The following FGB variants were observed in gnomAD, a reference collection of about 807,000 sequenced individuals.
The protein encoded by FGB is beta-fibrinogen.
In FGB, 25 loss-of-function variants were observed where a neutral mutation model predicts 57.9. The ratio of observed to expected loss-of-function variants is 0.43; its 90% CI spans 0.31 to 0.60. The LOEUF is 0.60. Among genes scored for constraint, FGB ranks in the 20% least tolerant of loss-of-function variants. The probability of loss-of-function intolerance (pLI) is 0.08; values close to 1 mark genes in which losing one functional copy is unlikely to be tolerated. For synonymous variants in FGB, 203 were observed against 199.2 expected, an observed-to-expected ratio of 1.02 and a Z score of -0.16; for missense variants, 536 against 598.4, an observed-to-expected ratio of 0.90 and a Z score of 1.09.
In FGB at chr4:154,569,564, C is replaced by T. The variant is rs1730324389; in HGVS notation, c.1009C>T (p.Pro337Ser). Residue 337 changes from proline to serine, a missense_variant, in exon 7 of 8, where the codon CCC becomes TCC. Transcript: ENST00000302068. Reference sequence around the variant, plus strand: ...AATTAGCCAGCTTACCAGGATGGGACCCACAGAACTTTTGATAGAAATGGA... The same window carrying T: ...AATTAGCCAGCTTACCAGGATGGGATCCACAGAACTTTTGATAGAAATGGA... ...DKISQLTRMGPTELLIEMEDW... is the reference protein window; with the variant it reads ...DKISQLTRMGSTELLIEMEDW... 6.2e-7 allele frequency: 1 copy of T among 1,613,702 alleles called. No individual in the cohort carries two copies. The highest frequency in any genetic ancestry group is 1.3e-5 in the African/African-American group (1 of 74,834).
chr4:154,569,473 A>C, intron 6 of FGB, 41 bp from the exon 7 acceptor site: 1 of 1,601,890 alleles, frequency 6.2e-7, no homozygotes, highest in Non-Finnish European at 8.5e-7. Flanking sequence ...AGTTTCCCAA[A>C]ATTTTATTTT....
rs187991912 is a variant in FGB at position 154,567,089 on chromosome 4, G to C, written c.490+417G>C. 4.6e-5 allele frequency among the ~76,000 whole-genome samples: 7 copies of C among 152,302 alleles called. No homozygotes were observed. The East Asian group carries it at 1.3e-3, about 29-fold the overall frequency. On this transcript the variant is annotated intron_variant, in intron 3 of 7. Coordinates refer to ENST00000302068, the MANE Select transcript of FGB (RefSeq NM_005141.5). ...TGAGGTCAGAATGTTGAGTGCTGTT[G>C]ACTTGGTGGTCAGGAAACAGCTAGT...
intron 1 of FGB, among the ~76,000 whole-genome samples, chr4:154,564,690 T>C (rs1209984368): frequency 6.6e-6 from 1 of 152,152 alleles, no homozygotes; most frequent in Non-Finnish European, 1.5e-5. Context: ...AGCTCAGTTG[T>C]TGCTCAGTTG....
intron 3 of FGB, 131 bp from the exon 4 acceptor site, chr4:154,567,462 T>A (rs936623560): frequency 4.2e-5 from 28 of 670,560 alleles, no homozygotes; most frequent in South Asian, 3.9e-4. Flanking sequence ...AATATGACTA[T>A]ATATCATAAC....
At chr4:154,570,257 G>T (rs896448763) in intron 7 of FGB, among the ~76,000 whole-genome samples, 162 bp from the exon 8 acceptor site, 4 of 152,144 alleles carry the variant, frequency 2.6e-5, no homozygotes, top group Non-Finnish European at 5.9e-5. Flanking sequence ...TCTTGCTATA[G>T]GGCACAGGAG....
rs1353921766 is a variant in FGB, at chr4:154,569,558, A to G, written c.1003A>G (p.Met335Val). ...GNDKISQLTRMGPTELLIEME... is the reference protein window; with the variant it reads ...GNDKISQLTRVGPTELLIEME... Reference sequence around the variant, plus strand: ...TGATAAAATTAGCCAGCTTACCAGGATGGGACCCACAGAACTTTTGATAGA... The same window carrying G: ...TGATAAAATTAGCCAGCTTACCAGGGTGGGACCCACAGAACTTTTGATAGA... Residue 335 changes from methionine (M) to valine (V), a missense_variant, in exon 7 of 8, where the codon ATG becomes GTG. Transcript: ENST00000302068. 6.2e-7 allele frequency: 1 copy of G among 1,614,062 alleles called. No individual in the cohort carries two copies. Among genetic ancestry groups the G allele is most frequent in the South Asian group, 1.1e-5 (1 of 91,040 alleles).
At chr4:154,567,984 T>C (rs1730236476) in intron 4 of FGB, 164 bp downstream of exon 4, 2 of 692,280 alleles carry the variant, frequency 2.9e-6, no homozygotes, top group Non-Finnish European at 5.1e-6. Flanking sequence ...TGTTTTGGAC[T>C]GGCCTGGTGC....
Position 154,566,901 on chromosome 4 carries a change from C to A in FGB, c.490+229C>A, listed in dbSNP as rs371955302. Among the ~76,000 whole-genome samples the A allele has an allele frequency of 5.3e-5, 8 of 152,238 alleles. No homozygotes were observed. In the East Asian group the frequency reaches 1.2e-3, roughly 22 times the overall value. The stretch of plus-strand genomic sequence containing the variant: ...TCTATGAAAAATTCTACTATGACTC[C>A]TTATTTTAAGTATACAAGAAACTTG... On this transcript the variant is annotated intron_variant, in intron 3 of 7. Transcript: ENST00000302068.
Position 154,568,425 on chromosome 4 carries a change from T to C in FGB, c.763T>C (p.Tyr255His). The C allele has an allele frequency of 1.2e-6, 2 of 1,609,122 alleles. No homozygotes were observed. The highest frequency in any genetic ancestry group is 2.2e-5 in the East Asian group (1 of 44,852). ...IRKGGETSEM[Y>H]LIQPDSSVKP... ...GAAAGGAGGTGAAACATCTGAAATGTATCTCATTCAACCTGACAGTTCTGT... is the reference window on the plus strand; with the variant it reads ...GAAAGGAGGTGAAACATCTGAAATGCATCTCATTCAACCTGACAGTTCTGT... Residue 255 changes from tyrosine (Y) to histidine (H), a missense_variant, in exon 5 of 8, where the codon TAT (tyrosine) becomes CAT (histidine). Tyr to His is a moderately conservative substitution (Grantham distance 83, BLOSUM62 2). Transcript: ENST00000302068.
At chr4:154,566,381 A>C (rs1204056599) in intron 2 of FGB, 108 bp from the exon 3 acceptor site, 1 of 1,045,488 alleles carries the variant, frequency 9.6e-7, no homozygotes, top group Non-Finnish European at 1.5e-6. Context: ...CCAAATAATA[A>C]ATTTTTATGT....
intron 7 of FGB, 84 bp from the exon 8 acceptor site, chr4:154,570,335 A>T: frequency 1.1e-6 from 1 of 946,688 alleles, no homozygotes; most frequent in South Asian, 1.4e-5. Flanking sequence ...ACACGAGTGT[A>T]GCAGTCTTTT....
chr4:154,569,408 G>T (rs1730315210), intron 6 of FGB, 101 bp downstream of exon 6: 1 of 1,583,196 alleles, frequency 6.3e-7, no homozygotes, highest in African/African-American at 1.4e-5. Context: ...GCAGTTAAGA[G>T]GAGTTTCCTG....
At chr4:154,566,335 T>A (rs1730158270) in intron 2 of FGB, among the ~76,000 whole-genome samples, 154 bp from the exon 3 acceptor site, 1 of 152,210 alleles carries the variant, frequency 6.6e-6, no homozygotes, top group Admixed American at 6.5e-5. Flanking sequence ...TATGAGAGTA[T>A]GATGATGACT....
chr4:154,566,075 GTT>G, intron 2 of FGB, 76 bp downstream of exon 2: 1 of 1,256,252 alleles, frequency 8.0e-7, no homozygotes, highest in South Asian at 1.3e-5. Context: ...GTCTGCTAAT[GTT>G]TCACTGACCC....
chr4:154,564,359 A>C lies in FGB; in HGVS notation c.114+1227A>C, dbSNP rs923342571. Among the ~76,000 whole-genome samples, 11 of 152,218 alleles carry C rather than the reference A, an allele frequency of 7.2e-5. 1 individual carries two copies. The East Asian group carries it at 1.9e-3, about 27-fold the overall frequency. ...CTCTCTAGTGGCACTCTGAAATAAAAAGAAAATAGTTTTCTCTGTTATAAT... is the reference window on the plus strand; with the variant it reads ...CTCTCTAGTGGCACTCTGAAATAAACAGAAAATAGTTTTCTCTGTTATAAT... On this transcript the variant is annotated intron_variant, in intron 1 of 7. Coordinates refer to ENST00000302068, the MANE Select transcript of FGB (RefSeq NM_005141.5).
rs1487230724 is a variant in FGB, at chr4:154,570,848, C to T, written c.*198C>T. On this transcript the variant is annotated 3_prime_UTR_variant, in exon 8 of 8. Coordinates refer to ENST00000302068, the MANE Select transcript of FGB (RefSeq NM_005141.5). Reference sequence around the variant, plus strand: ...TGTTTTCTTCATTTCTCTTGCTCACCAAGAAGTAACAAAAGTATAGTTTTG... The same window carrying T: ...TGTTTTCTTCATTTCTCTTGCTCACTAAGAAGTAACAAAAGTATAGTTTTG... The T allele has an allele frequency of 6.6e-6, 4 of 610,094 alleles. No homozygotes were observed. Among genetic ancestry groups the T allele is most frequent in the Non-Finnish European group, 8.8e-6 (3 of 338,996 alleles). 37.8% of individuals were successfully genotyped at this position (610,094 alleles called of 1,614,324 possible). A position where few individuals can be genotyped will look rare whatever the true frequency, so the allele number is the denominator to read the frequency against.
upstream of FGB, chr4:154,562,999 G>C: frequency 8.2e-7 from 1 of 1,216,456 alleles, no homozygotes; most frequent in Non-Finnish European, 1.2e-6. Context: ...TAGGATTGAA[G>C]ATCTCTCAGT....
At chr4:154,565,377 T>C (rs1222909643) in intron 1 of FGB, 3 of 284,908 alleles carry the variant, frequency 1.1e-5, no homozygotes, top group South Asian at 7.2e-5. Flanking sequence ...TATGTTTATA[T>C]AGGAGTCTAA....
At position 154,569,214 on chromosome 4, in the gene FGB, A is replaced by T; in HGVS notation, c.865A>T (p.Ser289Cys). The stretch of plus-strand genomic sequence containing the variant: ...AGTGATTCAGAACCGTCAAGACGGT[A>T]GTGTTGACTTTGGCAGGAAATGGGA... The part of the protein sequence containing the change: ...WTVIQNRQDG[S>C]VDFGRKWDPY... Residue 289 changes from serine (S) to cysteine (C), a missense_variant, in exon 6 of 8, where the codon AGT (serine) becomes TGT (cysteine). Around this residue, in one of 3 missense-constraint regions of FGB, gnomAD observed 354 missense variants for 383.4 expected, o/e 0.92. Coordinates refer to ENST00000302068, the MANE Select transcript of FGB (RefSeq NM_005141.5). The T allele has an allele frequency of 6.2e-7, 1 of 1,614,006 alleles. No homozygotes were observed. Among genetic ancestry groups the T allele is most frequent in the Non-Finnish European group, 8.5e-7 (1 of 1,179,868 alleles).
Sources: allele counts gnomAD v4.1 joint callset (sites outside exome capture counted in the v4.1 genomes callset), GRCh38; gene constraint gnomAD v4.1.1; regional missense constraint gnomAD v4.1.1; transcripts MANE v1.5; gene names NCBI Gene and HGNC (gene_info 2026-07-23, HGNC 2026-07-21).